The following RNF150 variants were observed in gnomAD, a reference collection of about 807,000 sequenced individuals.
RNF150 encodes ring finger protein 150.
RNF150 carries 24 observed loss-of-function variants against 39.3 expected under a neutral mutation model. That is an observed-to-expected ratio of 0.61 (90% CI 0.44 to 0.86). The LOEUF is 0.86. Among genes scored for constraint, RNF150 ranks in the 40% least tolerant of loss-of-function variants. The pLI is 0.00. For missense variants in RNF150, 502 were observed against 587.8 expected (o/e 0.85, Z 1.51); for synonymous variants, 255 against 227.3 (o/e 1.12, Z -1.10).
chr4:141,141,359 G>T (rs1191959960), intron 1 of RNF150, among the ~76,000 whole-genome samples: 1 of 151,722 alleles, frequency 6.6e-6, no homozygotes, highest in African/African-American at 2.4e-5. Context: ...TTCCATTTCT[G>T]TTACTGTTGC....
intron 1 of RNF150, among the ~76,000 whole-genome samples, chr4:141,034,773 C>T (rs907415860): frequency 6.6e-6 from 1 of 152,062 alleles, no homozygotes. Flanking sequence ...TCAGAAGACA[C>T]AACATTTACC....
chr4:141,166,684 G>A (rs142257023), intron 1 of RNF150, among the ~76,000 whole-genome samples: 139 of 152,176 alleles, frequency 9.1e-4, no homozygotes, highest in African/African-American at 3.2e-3. Flanking sequence ...CAGATCCAAT[G>A]ACAAAGACCA....
At chr4:141,101,226 C>T (rs980538071) in intron 1 of RNF150, among the ~76,000 whole-genome samples, 7 of 152,052 alleles carry the variant, frequency 4.6e-5, no homozygotes, top group Non-Finnish European at 8.8e-5. Flanking sequence ...TGTAATAATG[C>T]CTTAAAACAC....
At chr4:141,208,739 C>T (rs1728416402) in intron 1 of RNF150, among the ~76,000 whole-genome samples, 1 of 152,282 alleles carries the variant, frequency 6.6e-6, no homozygotes, top group South Asian at 2.1e-4. Context: ...AGATTTGATA[C>T]TACTTGCAGA....
At chr4:141,183,280 T>C (rs1727942508) in intron 1 of RNF150, among the ~76,000 whole-genome samples, 1 of 152,092 alleles carries the variant, frequency 6.6e-6, no homozygotes, top group Non-Finnish European at 1.5e-5. Flanking sequence ...CTGTTATTGT[T>C]GACTCAGTAG....
intron 1 of RNF150, among the ~76,000 whole-genome samples, chr4:141,095,428 A>C (rs1228592761): frequency 1.3e-5 from 2 of 151,516 alleles, no homozygotes; most frequent in Non-Finnish European, 2.9e-5. Context: ...TAAAAACAAC[A>C]AAAAAAAAGA....
intron 2 of RNF150, among the ~76,000 whole-genome samples, chr4:140,965,121 T>C (rs12499713): frequency 0.37 from 55,885 of 151,928 alleles, 11,756 homozygotes; most frequent in Non-Finnish European, 0.46. Flanking sequence ...AAAACATGAA[T>C]GCTTTTCAGT....
chr4:141,128,306 T>A (rs1355400948), intron 1 of RNF150, among the ~76,000 whole-genome samples: 1 of 152,222 alleles, frequency 6.6e-6, no homozygotes, highest in East Asian at 1.9e-4. Context: ...CGAGGTATGG[T>A]GTTATCCTCC....
intron 1 of RNF150, among the ~76,000 whole-genome samples, chr4:141,163,963 T>G (rs1442966040): frequency 1.3e-5 from 2 of 152,032 alleles, no homozygotes; most frequent in Non-Finnish European, 2.9e-5. Context: ...TTTGACGAAT[T>G]GACAGCAGTA....
chr4:140,862,208 C>T lies in RNF150; in HGVS notation c.*6053G>A, dbSNP rs1728518100. Reference sequence around the variant, plus strand: ...AGCGACCTTCTCTAAGGATTTTTCTCCCTCACTGTGTTCAGACATTGCAGA... The same window carrying T: ...AGCGACCTTCTCTAAGGATTTTTCTTCCTCACTGTGTTCAGACATTGCAGA... On this transcript the variant is annotated 3_prime_UTR_variant, in exon 7 of 7. Transcript: ENST00000515673. The T allele has an allele frequency of 2.0e-5, 3 of 152,114 alleles. No homozygotes were observed. Among genetic ancestry groups the T allele is most frequent in the Admixed American group, 2.0e-4 (3 of 15,260 alleles). The allele number at this position is 152,114 out of a possible 1,614,324, so 9.4% of individuals were successfully genotyped here. A position where few individuals can be genotyped will look rare whatever the true frequency, so the allele number is the denominator to read the frequency against.
At chr4:140,922,908 G>A (rs189539581) in intron 5 of RNF150, among the ~76,000 whole-genome samples, 1 of 150,886 alleles carries the variant, frequency 6.6e-6, no homozygotes, top group Non-Finnish European at 1.5e-5. Context: ...GGGAAAACTG[G>A]CTAGACATAT....
At chr4:140,926,910 G>C (rs1731419325) in intron 4 of RNF150, among the ~76,000 whole-genome samples, 1 of 152,194 alleles carries the variant, frequency 6.6e-6, no homozygotes, top group African/African-American at 2.4e-5. Flanking sequence ...AGAACTATCT[G>C]TTTTAAGTCT....
At chr4:141,153,579 GC>G (rs1727335870) in intron 1 of RNF150, among the ~76,000 whole-genome samples, 1 of 152,132 alleles carries the variant, frequency 6.6e-6, no homozygotes, top group South Asian at 2.1e-4. Flanking sequence ...TGTTATGGCA[GC>G]CCTGTGTACT....
In RNF150 at chr4:141,060,184, T is replaced by TA. The variant is rs571008314; in HGVS notation, c.484+72140dup. Among the ~76,000 whole-genome samples the TA allele has an allele frequency of 1.6e-3, 244 of 152,364 alleles. 3 individuals carry two copies. The highest frequency in any genetic ancestry group is 5.7e-3 in the African/African-American group (237 of 41,592). The stretch of plus-strand genomic sequence containing the variant: ...GTTCAGACACAGTGGCTCACGCCTG[T>TA]AATCCTAGCACTCTGGGAGGCCAAG... On this transcript the variant is annotated intron_variant, in intron 1 of 6. Transcript: ENST00000515673.
At chr4:140,955,982 A>G (rs1198665426) in intron 2 of RNF150, among the ~76,000 whole-genome samples, 3 of 152,202 alleles carry the variant, frequency 2.0e-5, no homozygotes, top group Admixed American at 6.5e-5. Context: ...ACTGAATGTC[A>G]TTACCAGGCC....
At chr4:140,947,509 G>T in intron 4 of RNF150, 145 bp downstream of exon 4, 1 of 675,754 alleles carries the variant, frequency 1.5e-6, no homozygotes, top group Non-Finnish European at 2.6e-6. Context: ...AAACAAGAAT[G>T]TTAGGGTTGT....
At chr4:141,136,966 C>T (rs983789135), upstream of RNF150, among the ~76,000 whole-genome samples, 2 of 152,010 alleles carry the variant, frequency 1.3e-5, no homozygotes, top group African/African-American at 4.8e-5. Flanking sequence ...ACTGGTTTTA[C>T]CAGGAAAAGT....
rs191521258 is a variant in RNF150, at chr4:141,156,366, G to C, written c.-6+56428C>G. Among the ~76,000 whole-genome samples the C allele has an allele frequency of 8.5e-5, 13 of 152,192 alleles. No homozygotes were observed. The East Asian group carries it at 1.9e-3, about 23-fold the overall frequency. On this transcript the variant is annotated intron_variant, in intron 1 of 7. Transcript: ENST00000420921. ...TGCAATCATAGCTCACTGCAGCCTT[G>C]ATCTCCTGTGCTCAAGCCATCCTCC...
At chr4:140,871,009 T>C (rs1728915371) in intron 6 of RNF150, among the ~76,000 whole-genome samples, 1 of 150,006 alleles carries the variant, frequency 6.7e-6, no homozygotes, top group Non-Finnish European at 1.5e-5. Context: ...TCTCTATATA[T>C]ATATATATGT....
Sources: gnomAD v4.1 joint callset for allele counts (sites outside exome capture counted in the v4.1 genomes callset) on GRCh38, gnomAD v4.1.1 for gene constraint, MANE v1.5 for transcripts, NCBI Gene and HGNC (gene_info 2026-07-23, HGNC 2026-07-21) for gene names.